MADD: variants seen among roughly 807,000 people sequenced by gnomAD.
MADD encodes MAP kinase-activating death domain protein.
MADD carries 109 observed loss-of-function variants against 176.7 expected under a neutral mutation model. The ratio of observed to expected loss-of-function variants is 0.62; its 90% CI spans 0.53 to 0.72. The LOEUF is 0.72. Ranked by LOEUF, MADD falls within the 30% of genes least tolerant of loss-of-function variation. The pLI is 0.00. For missense variants in MADD, 1,914 were observed against 2,045.5 expected, an observed-to-expected ratio of 0.94 and a Z score of 1.24; for synonymous variants, 771 against 771.3, an observed-to-expected ratio of 1.00 and a Z score of 0.01.
At chr11:47,311,750 C>T (rs374551838) in exon 26 of MADD, 21 of 1,612,376 alleles carry the variant, frequency 1.3e-5, no homozygotes, top group East Asian at 2.2e-5. Context: ...GAATGACATC[C>T]GCAAGAAGGT....
chr11:47,275,306 C>T, intron 3 of MADD, 147 bp downstream of exon 3: 1 of 781,518 alleles, frequency 1.3e-6, no homozygotes, highest in East Asian at 2.5e-5. Flanking sequence ...AATCTTTTTT[C>T]TTTTGGAGAC....
intron 19 of MADD, 39 bp downstream of exon 21, chr11:47,292,635 A>C (rs368994085): frequency 6.2e-7 from 1 of 1,604,852 alleles, no homozygotes; most frequent in Non-Finnish European, 8.5e-7. Context: ...CAAGTCCTCC[A>C]TACCTGCCAA....
Position 47,318,789 on chromosome 11 carries a change from A to ATTT in MADD, c.4197+3496_4197+3498dup, listed in dbSNP as rs57548484. ...TGATCAACTGGACAGCAGTTTGGGA[A>ATTT]TTTTTTTTTTTTTTTTTTTTTTTTT... On this transcript the variant is annotated intron_variant, in intron 27 of 32. Coordinates refer to ENST00000402192, the Ensembl canonical transcript of MADD. Among the ~76,000 whole-genome samples, 30 of 82,482 alleles carry ATTT rather than the reference A, an allele frequency of 3.6e-4. 5 individuals are homozygous for ATTT. Among genetic ancestry groups the ATTT allele is most frequent in the South Asian group, 9.5e-4 (2 of 2,108 alleles). 54.1% of individuals were successfully genotyped at this position (82,482 alleles called of 152,430 possible). A position where few individuals can be genotyped will look rare whatever the true frequency, so the allele number is the denominator to read the frequency against.
exon 18 of MADD, chr11:47,290,163 G>C (rs1375271927): frequency 1.2e-6 from 2 of 1,614,066 alleles, no homozygotes; most frequent in African/African-American, 2.7e-5. Flanking sequence ...TCAGTCGGAA[G>C]GTGTACAAGG....
chr11:47,276,553 G>A (rs527565503), intron 4 of MADD, among the ~76,000 whole-genome samples, 179 bp from the exon 5 acceptor site: 2 of 152,342 alleles, frequency 1.3e-5, no homozygotes, highest in Non-Finnish European at 1.5e-5. Flanking sequence ...GGTGACTGAG[G>A]ATCACCATTG....
chr11:47,324,504 A>G, exon 30 of MADD: 1 of 1,614,096 alleles, frequency 6.2e-7, no homozygotes, highest in Non-Finnish European at 8.5e-7. Flanking sequence ...CCTGTGCAGG[A>G]CCTGAAGACT....
exon 12 of MADD, chr11:47,284,538 C>T (rs775225651): frequency 1.9e-6 from 3 of 1,613,952 alleles, no homozygotes; most frequent in Non-Finnish European, 2.5e-6. Context: ...GCAGCAGCCC[C>T]AGCACTGTCA....
chr11:47,292,049 A>G (rs1192489466), intron 19 of MADD, among the ~76,000 whole-genome samples: 1 of 152,228 alleles, frequency 6.6e-6, no homozygotes, highest in Non-Finnish European at 1.5e-5. Flanking sequence ...TGTTCAGTCC[A>G]GTGAATCAAG....
chr11:47,273,340 ATTT>A (rs11318834), intron 1 of MADD, among the ~76,000 whole-genome samples: 8 of 150,224 alleles, frequency 5.3e-5, no homozygotes, highest in South Asian at 4.2e-4. Flanking sequence ...ATTTATCTAC[ATTT>A]TTTTTTTTTT....
chr11:47,283,728 C>T (rs951566466), intron 10 of MADD, among the ~76,000 whole-genome samples: 1 of 152,196 alleles, frequency 6.6e-6, no homozygotes, highest in Non-Finnish European at 1.5e-5. Flanking sequence ...CATGCCATCA[C>T]GCCCAGCTAA....
exon 12 of MADD, chr11:47,284,483 C>T: frequency 6.2e-7 from 1 of 1,614,104 alleles, no homozygotes; most frequent in East Asian, 2.2e-5. Flanking sequence ...AGTGAGAACT[C>T]TCAGGAAAAC....
intron 27 of MADD, among the ~76,000 whole-genome samples, chr11:47,318,029 C>T (rs2141551371): frequency 6.6e-6 from 1 of 152,246 alleles, no homozygotes; most frequent in Non-Finnish European, 1.5e-5. Flanking sequence ...CTCGGCCTCC[C>T]AAAGTGCTGG....
chr11:47,289,446 A>G (rs746297205), exon 16 of MADD: 119 of 1,614,076 alleles, frequency 7.4e-5, no homozygotes, highest in Non-Finnish European at 9.4e-5. Flanking sequence ...ACAGCCCAAC[A>G]GTGAAAAGAG....
intron 1 of MADD, among the ~76,000 whole-genome samples, chr11:47,273,010 A>G (rs552984858): frequency 3.2e-4 from 49 of 152,346 alleles, no homozygotes; most frequent in African/African-American, 1.1e-3. Flanking sequence ...TTGAGATCAC[A>G]TGAGGTAGAA....
rs566169298 is a variant in MADD, at chr11:47,299,971, G to C, written c.3642+3916G>C. On this transcript the variant is annotated intron_variant, in intron 22 of 32. Coordinates refer to ENST00000402192, the Ensembl canonical transcript of MADD. Reference sequence around the variant, plus strand: ...TCCTTGTCTTGCTACAGATTGTAGAGGAAAAACTTTCATCTTTCCCCATTC... The same window carrying C: ...TCCTTGTCTTGCTACAGATTGTAGACGAAAAACTTTCATCTTTCCCCATTC... Among the ~76,000 whole-genome samples, 225 of 152,252 alleles carry C rather than the reference G, an allele frequency of 1.5e-3. 1 individual carries two copies. Among genetic ancestry groups the C allele is most frequent in the South Asian group, 0.015 (70 of 4,824 alleles).
intron 27 of MADD, among the ~76,000 whole-genome samples, chr11:47,316,471 C>G (rs992279462): frequency 1.3e-5 from 2 of 151,134 alleles, no homozygotes; most frequent in Non-Finnish European, 2.9e-5. Flanking sequence ...TCACTGCAAC[C>G]TCCACCTCCT....
At chr11:47,308,495 G>A in intron 22 of MADD, 96 bp from the exon 25 acceptor site, 1 of 772,026 alleles carries the variant, frequency 1.3e-6, no homozygotes, top group Middle Eastern at 2.4e-4. Context: ...CTAATGGATG[G>A]TGACTGGTGT....
chr11:47,270,809 CA>C (rs1961614715), intron 1 of MADD: 1 of 152,492 alleles, frequency 6.6e-6, no homozygotes, highest in Non-Finnish European at 1.5e-5. Context: ...CCAACCCTGC[CA>C]GCTGCCAGCC....
rs184758249 is a variant in MADD at position 47,281,219 on chromosome 11, A to G, written c.1291-356A>G. On this transcript the variant is annotated intron_variant, in intron 7 of 32. Coordinates refer to ENST00000402192, the Ensembl canonical transcript of MADD. Reference sequence around the variant, plus strand: ...CTCTGTTTTCAAATTTCCATTCTATATAATTTCACATAGATTCCAATTTTA... The same window carrying G: ...CTCTGTTTTCAAATTTCCATTCTATGTAATTTCACATAGATTCCAATTTTA... 2.7e-3 allele frequency among the ~76,000 whole-genome samples: 413 copies of G among 152,324 alleles called. 2 individuals carry two copies. Among genetic ancestry groups the G allele is most frequent in the Non-Finnish European group, 2.9e-3 (194 of 68,034 alleles).
Sources: allele counts gnomAD v4.1 joint callset (sites outside exome capture counted in the v4.1 genomes callset), GRCh38; gene constraint gnomAD v4.1.1; transcripts MANE v1.5; gene names NCBI Gene and HGNC (gene_info 2026-07-23, HGNC 2026-07-21).